The following SMG5 variants were observed in gnomAD, a reference collection of about 807,000 sequenced individuals.
SMG5 encodes the protein SMG5 nonsense mediated mRNA decay factor.
In SMG5, 53 loss-of-function variants were observed where a neutral mutation model predicts 122.9. The ratio of observed to expected loss-of-function variants is 0.43; its 90% CI spans 0.35 to 0.54. The LOEUF is 0.54. SMG5 is among the 20% of genes least tolerant of loss of function. The pLI is 0.01. For missense variants in SMG5, 1,153 were observed against 1,285.6 expected (o/e 0.90, Z 1.58); for synonymous variants, 477 against 490.2 (o/e 0.97, Z 0.35).
intron 1 of SMG5, among the ~76,000 whole-genome samples, chr1:156,281,954 G>A (rs1662970735): frequency 6.6e-6 from 1 of 152,154 alleles, no homozygotes; most frequent in African/African-American, 2.4e-5. Context: ...ATGAGGCTGG[G>A]AGGAAGGCAG....
upstream of SMG5, chr1:156,286,187 GCCCCCAGCTTAC>G (rs1663154290): frequency 1.4e-5 from 21 of 1,493,320 alleles, no homozygotes; most frequent in South Asian, 2.5e-4. Flanking sequence ...CAGTGAATCT[GCCCCCAGCTTAC>G]TGCCTCTTGT....
intron 5 of SMG5, among the ~76,000 whole-genome samples, chr1:156,273,718 C>CTTTTTTTTTTTTTTTTTT (rs748042052): frequency 1.8e-4 from 21 of 116,322 alleles, no homozygotes; most frequent in Non-Finnish European, 1.9e-4. Flanking sequence ...GTTTTGTTTT[C>CTTTTTTTTTTTTTTTTTT]TTTTTTTTTT....
Position 156,261,382 on chromosome 1 carries a change from C to G in SMG5, c.2058G>C (p.Leu686=). ...AQSSQSLWNR[L]SVLLNLLPAA... ...CAGGCAACAGATTCAGCAACACAGACAGGCGGTTCCACAGACTTTGAGAGC... is the reference window on the plus strand; with the variant it reads ...CAGGCAACAGATTCAGCAACACAGAGAGGCGGTTCCACAGACTTTGAGAGC... Residue 686 remains leucine (L), a synonymous_variant, in exon 14 of 22, where the codon CTG becomes CTC. Transcript: ENST00000361813. The G allele has an allele frequency of 6.2e-7, 1 of 1,614,162 alleles. No individual in the cohort carries two copies. Among genetic ancestry groups the G allele is most frequent in the South Asian group, 1.1e-5 (1 of 91,080 alleles).
upstream of SMG5, among the ~76,000 whole-genome samples, chr1:156,286,949 C>A (rs1203810462): frequency 2.0e-5 from 3 of 151,996 alleles, no homozygotes; most frequent in African/African-American, 7.3e-5. Context: ...ATGGTGAAAC[C>A]CTGTCTCTAC....
rs199651151 is a variant in SMG5 at position 156,260,513 on chromosome 1, G to C, written c.2221C>G (p.Arg741Gly). Residue 741 changes from arginine (R) to glycine (G), a missense_variant, in exon 15 of 22, where the codon CGA becomes GGA. This residue lies in a region of SMG5 where 631 missense variants were observed against 650.6 expected (regional missense o/e 0.97). Transcript: ENST00000361813. ...AAGTTAAAGCGTCTGTGGGCAGCTC[G>C]GAGCGGGGGCAGGTTACGAAGAGCC... The part of the protein sequence containing the change: ...DMALRNLPPL[R>G]AAHRRFNFDT... 140 of 1,590,602 alleles carry C rather than the reference G, an allele frequency of 8.8e-5. No individual in the cohort carries two copies. The highest frequency in any genetic ancestry group is 2.6e-4 in the Admixed American group (14 of 54,486).
In SMG5 at chr1:156,274,644, C is replaced by T; in HGVS notation, c.497G>A (p.Trp166Ter). The T allele has an allele frequency of 6.2e-7, 1 of 1,613,998 alleles. No homozygotes were observed. Among genetic ancestry groups the T allele is most frequent in the Non-Finnish European group, 8.5e-7 (1 of 1,179,928 alleles). ...PVSASGKEMD[W>*]AQMACHRCLV... ...ACATCGGTGACATGCCATCTGTGCC[C>T]AATCCATCTCCTTCCCTGAGGCAGA... The change falls in exon 5 of 22, where the codon TGG (tryptophan) becomes TAG (stop). Residue 166 changes from tryptophan to a stop codon, truncating the protein, a stop_gained. Transcript: ENST00000361813. LOFTEE classifies it high-confidence loss of function.
chr1:156,285,290 T>C (rs1265870959), upstream of SMG5: 3 of 1,573,338 alleles, frequency 1.9e-6, no homozygotes, highest in African/African-American at 4.1e-5. Context: ...AGAGAAGAGC[T>C]CACCCCAGGC....
At chr1:156,286,158 A>G (rs958266925), upstream of SMG5, 23 of 1,378,138 alleles carry the variant, frequency 1.7e-5, no homozygotes, top group Non-Finnish European at 2.3e-5. Context: ...CCCACTGTGT[A>G]GAGCCCATGC....
chr1:156,272,472 A>G, intron 6 of SMG5, 74 bp from the exon 7 acceptor site: 1 of 1,248,188 alleles, frequency 8.0e-7, no homozygotes, highest in South Asian at 1.3e-5. Flanking sequence ...ACCAATGCTA[A>G]GCATCAGAGA....
chr1:156,275,227 T>C (rs1022674752), intron 4 of SMG5, among the ~76,000 whole-genome samples: 6 of 151,576 alleles, frequency 4.0e-5, no homozygotes, highest in African/African-American at 1.5e-4. Context: ...CAGATGCTCC[T>C]AGTGGAGGTC....
chr1:156,289,388 C>G, the SMG5 span, among the ~76,000 whole-genome samples: 3 of 152,164 alleles, frequency 2.0e-5, no homozygotes, highest in Admixed American at 1.3e-4. Context: ...GCGGGTGGAT[C>G]ACCAGGTCAG....
intron 5 of SMG5, among the ~76,000 whole-genome samples, chr1:156,274,169 T>C (rs1363417804): frequency 6.6e-6 from 1 of 152,140 alleles, no homozygotes; most frequent in African/African-American, 2.4e-5. Context: ...CCAGGGGCTA[T>C]AAAGCAAAAG....
upstream of SMG5, chr1:156,285,261 T>G: frequency 1.9e-6 from 3 of 1,553,962 alleles, no homozygotes; most frequent in Non-Finnish European, 2.6e-6. Context: ...CTACTGGAAG[T>G]GAAGAGGTCT....
rs1198112909 is a variant in SMG5 at position 156,249,950 on chromosome 1, A to T, written c.*637T>A. The T allele has an allele frequency of 2.1e-6, 1 of 471,046 alleles. No homozygotes were observed. The highest frequency in any genetic ancestry group is 4.4e-6 in the Non-Finnish European group (1 of 226,954). The allele number at this position is 471,046 out of a possible 1,614,324, so 29.2% of individuals were successfully genotyped here. A position where few individuals can be genotyped will look rare whatever the true frequency, so the allele number is the denominator to read the frequency against. ...GCAGAAGTGGGGCAATGGGATGTGC[A>T]GCCCCTGCAGCAGGAGGAGGAGCAC... On this transcript the variant is annotated 3_prime_UTR_variant, in exon 22 of 22. Coordinates refer to ENST00000361813, the MANE Select transcript of SMG5 (RefSeq NM_015327.3).
intron 20 of SMG5, 38 bp downstream of exon 20, chr1:156,251,365 G>A: frequency 6.2e-7 from 1 of 1,608,398 alleles, no homozygotes; most frequent in Non-Finnish European, 8.5e-7. Flanking sequence ...AGCAAGGCAG[G>A]TGGCCTGAGG....
At chr1:156,286,046 G>C, upstream of SMG5, 1 of 1,545,334 alleles carries the variant, frequency 6.5e-7, no homozygotes, top group Non-Finnish European at 8.7e-7. Flanking sequence ...GGCCTGGCTG[G>C]TGTGGGGAGC....
At chr1:156,290,989 G>T in the SMG5 span, 1 of 204,470 alleles carries the variant, frequency 4.9e-6, no homozygotes, top group East Asian at 1.2e-4. Context: ...TTTAAAGTTT[G>T]TACAGCCAGG....
At chr1:156,285,482 G>C (rs1663122773), upstream of SMG5, 1 of 1,613,980 alleles carries the variant, frequency 6.2e-7, no homozygotes, top group African/African-American at 1.3e-5. Flanking sequence ...TCAGCCCAGT[G>C]CTCCGTTCCC....
rs374551628 is a variant in SMG5 at position 156,249,427 on chromosome 1, G to T, written c.*1160C>A. 71 of 309,234 alleles carry T rather than the reference G, an allele frequency of 2.3e-4. 2 individuals are homozygous for T. Among genetic ancestry groups the T allele is most frequent in the South Asian group, 1.8e-3 (66 of 35,696 alleles). 19.2% of individuals were successfully genotyped at this position (309,234 alleles called of 1,614,324 possible). On this transcript the variant is annotated 3_prime_UTR_variant, in exon 22 of 22. Transcript: ENST00000361813. ...CAGCAGAGCTGAGACCCTCCACCCC[G>T]AGCCCCTAGCCTGTGCTATCCTCCC... is the stretch of plus-strand genomic sequence containing the variant.
Sources: gnomAD v4.1 joint callset for allele counts (sites outside exome capture counted in the v4.1 genomes callset) on GRCh38, gnomAD v4.1.1 for gene constraint, gnomAD v4.1.1 regional missense constraint, MANE v1.5 for transcripts, NCBI Gene and HGNC (gene_info 2026-07-23, HGNC 2026-07-21) for gene names.